The following CSMD1 variants were observed in gnomAD, a reference collection of about 807,000 sequenced individuals.
The protein encoded by CSMD1 is CUB and sushi domain-containing protein 1.
Under a neutral mutation model 417.5 loss-of-function variants are expected in CSMD1, and 213 were observed. The observed-to-expected ratio is 0.51, with a 90% CI of 0.46 to 0.57. CSMD1 has a LOEUF of 0.57. CSMD1 is among the 20% of genes least tolerant of loss of function. The pLI, the probability that CSMD1 is intolerant of heterozygous loss-of-function variation, is 0.00. For missense variants in CSMD1, 6,923 were observed against 4,529.7 expected, an observed-to-expected ratio of 1.53 and a Z score of -15.17; for synonymous variants, 2,862 against 1,736.8, an observed-to-expected ratio of 1.65 and a Z score of -16.11.
At chr8:4,783,096 C>T (rs1357501755) in intron 1 of CSMD1, among the ~76,000 whole-genome samples, 5 of 152,130 alleles carry the variant, frequency 3.3e-5, no homozygotes, top group Admixed American at 2.0e-4. Flanking sequence ...TCAATTCAGT[C>T]CACAGATATT....
chr8:4,925,215 GT>G (rs10692207), intron 1 of CSMD1, among the ~76,000 whole-genome samples: 9 of 72,734 alleles, frequency 1.2e-4, no homozygotes, highest in South Asian at 6.9e-4. Context: ...CAGTTTTATG[GT>G]TTTTTTTTTT....
At chr8:2,987,063 C>G (rs2627287) in intron 54 of CSMD1, among the ~76,000 whole-genome samples, 120,766 of 151,970 alleles carry the variant, frequency 0.79, 48,184 homozygotes, top group Non-Finnish European at 0.81. Context: ...GGCAAAGTTA[C>G]AACTAATTCT....
chr8:4,122,367 G>A (rs190057808), intron 3 of CSMD1, among the ~76,000 whole-genome samples: 101 of 152,254 alleles, frequency 6.6e-4, no homozygotes, highest in Admixed American at 1.5e-3. Flanking sequence ...TATATACTCA[G>A]TGCCAACAAT....
intron 5 of CSMD1, among the ~76,000 whole-genome samples, chr8:3,795,830 A>T (rs1231580013): frequency 1.1e-5 from 1 of 89,342 alleles, no homozygotes; most frequent in Non-Finnish European, 2.3e-5. Context: ...ATATATATCT[A>T]TCATGTACAG....
chr8:4,282,805 T>C (rs1305124754), intron 3 of CSMD1, among the ~76,000 whole-genome samples: 4 of 152,066 alleles, frequency 2.6e-5, no homozygotes, highest in Non-Finnish European at 4.4e-5. Flanking sequence ...CATAATGGAG[T>C]CGGGTATATA....
At chr8:3,941,754 G>T (rs1317647024) in intron 5 of CSMD1, among the ~76,000 whole-genome samples, 1 of 152,118 alleles carries the variant, frequency 6.6e-6, no homozygotes, top group Admixed American at 6.5e-5. Flanking sequence ...GCCTAAAACA[G>T]CATGGACACA....
At chr8:4,467,080 C>G (rs1187785577) in intron 2 of CSMD1, among the ~76,000 whole-genome samples, 1 of 130,124 alleles carries the variant, frequency 7.7e-6, no homozygotes, top group Non-Finnish European at 1.6e-5. Flanking sequence ...GCTTTGATTT[C>G]TTTTCAAATT....
Position 3,749,509 on chromosome 8 carries a change from G to C in CSMD1, c.931+4421C>G, listed in dbSNP as rs566265260. On this transcript the variant is annotated intron_variant, in intron 6 of 69. Transcript: ENST00000635120. The stretch of plus-strand genomic sequence containing the variant: ...TAAGACTCCGAGAATAAAGAATTTG[G>C]AGATGAAAGTTAAAAATGTAAGGGA... 1.1e-4 allele frequency among the ~76,000 whole-genome samples: 17 copies of C among 152,268 alleles called. No homozygotes were observed. The South Asian group carries it at 3.1e-3, about 28-fold the overall frequency.
At chr8:3,425,266 T>A (rs905236538) in intron 12 of CSMD1, among the ~76,000 whole-genome samples, 2 of 152,140 alleles carry the variant, frequency 1.3e-5, no homozygotes, top group Admixed American at 6.5e-5. Flanking sequence ...CTTATCTCCT[T>A]GGGACAAGGG....
chr8:4,709,483 G>C (rs958389353), intron 1 of CSMD1, among the ~76,000 whole-genome samples: 4 of 152,192 alleles, frequency 2.6e-5, no homozygotes, highest in African/African-American at 4.8e-5. Flanking sequence ...AAGGAACAGG[G>C]GGAGCCTCAT....
chr8:4,872,003 C>A (rs1003463375), intron 1 of CSMD1, among the ~76,000 whole-genome samples: 2 of 152,092 alleles, frequency 1.3e-5, no homozygotes, highest in Non-Finnish European at 2.9e-5. Context: ...AGAAACACAT[C>A]GTGCTGATCA....
intron 10 of CSMD1, among the ~76,000 whole-genome samples, chr8:3,523,311 T>G (rs777807562): frequency 2.6e-5 from 4 of 152,152 alleles, no homozygotes; most frequent in Admixed American, 6.5e-5. Context: ...TATTTTTGCT[T>G]TACTAAATTA....
At chr8:3,215,570 G>C (rs1057098226) in intron 29 of CSMD1, among the ~76,000 whole-genome samples, 1 of 152,150 alleles carries the variant, frequency 6.6e-6, no homozygotes, top group Non-Finnish European at 1.5e-5. Flanking sequence ...CCCTCAATTA[G>C]GCATTCACTT....
intron 3 of CSMD1, among the ~76,000 whole-genome samples, chr8:4,180,917 C>T (rs957828674): frequency 6.6e-6 from 1 of 152,124 alleles, no homozygotes; most frequent in Non-Finnish European, 1.5e-5. Context: ...TCTAAATTTT[C>T]AAGGTGCCAA....
chr8:3,734,346 C>T (rs1327372078), intron 6 of CSMD1, among the ~76,000 whole-genome samples: 1 of 152,162 alleles, frequency 6.6e-6, no homozygotes, highest in African/African-American at 2.4e-5. Context: ...CTGATGAGGG[C>T]TGTTCGACAG....
intron 3 of CSMD1, among the ~76,000 whole-genome samples, chr8:4,161,200 C>T (rs1019777670): frequency 1.3e-5 from 2 of 152,154 alleles, no homozygotes; most frequent in Non-Finnish European, 1.5e-5. Flanking sequence ...CTTCCTATCT[C>T]ATTTAATTCC....
intron 10 of CSMD1, among the ~76,000 whole-genome samples, chr8:3,501,319 G>C (rs969686917): frequency 4.0e-5 from 6 of 151,876 alleles, no homozygotes; most frequent in African/African-American, 1.5e-4. Flanking sequence ...TGCATCATTG[G>C]GTTTCTTCCT....
intron 3 of CSMD1, among the ~76,000 whole-genome samples, chr8:4,080,326 G>A (rs117636369): frequency 7.9e-5 from 12 of 152,126 alleles, no homozygotes; most frequent in Non-Finnish European, 1.0e-4. Flanking sequence ...GATCTTACCC[G>A]TGAGTACTTC....
At chr8:3,118,689 GT>G in intron 41 of CSMD1, 102 bp from the exon 42 acceptor site, 3 of 1,001,330 alleles carry the variant, frequency 3.0e-6, no homozygotes, top group Non-Finnish European at 4.5e-6. Context: ...AGATGAAGTT[GT>G]TGGATAAGTT....
Sources: allele counts gnomAD v4.1 joint callset (sites outside exome capture counted in the v4.1 genomes callset), GRCh38; gene constraint gnomAD v4.1.1; transcripts MANE v1.5; gene names NCBI Gene and HGNC (gene_info 2026-07-23, HGNC 2026-07-21).